VPS35L: variants seen among roughly 807,000 people sequenced by gnomAD.
VPS35L encodes VPS35 endosomal protein sorting factor like.
VPS35L carries 83 observed loss-of-function variants against 133.0 expected under a neutral mutation model. The ratio of observed to expected loss-of-function variants is 0.62; its 90% CI spans 0.52 to 0.75. The LOEUF (loss-of-function observed/expected upper bound fraction) is 0.75. Among genes scored for constraint, VPS35L ranks in the 30% least tolerant of loss-of-function variants. VPS35L has a pLI of 0.00. For synonymous variants in VPS35L, 423 were observed against 449.9 expected, an observed-to-expected ratio of 0.94 and a Z score of 0.76; for missense variants, 1,083 against 1,206.8, an observed-to-expected ratio of 0.90 and a Z score of 1.52.
At chr16:19,559,373 G>T (rs576316182) in intron 1 of VPS35L, among the ~76,000 whole-genome samples, 1 of 152,324 alleles carries the variant, frequency 6.6e-6, no homozygotes, top group East Asian at 1.9e-4. Context: ...AATAGTGGAG[G>T]TGTGAAATGG....
At chr16:19,654,862 T>G (rs1465224118) in intron 26 of VPS35L, among the ~76,000 whole-genome samples, 2 of 152,314 alleles carry the variant, frequency 1.3e-5, no homozygotes, top group Non-Finnish European at 2.9e-5. Context: ...TCTTCCCATG[T>G]TATAAAATCA....
chr16:19,667,223 A>G (rs970604282), intron 26 of VPS35L, among the ~76,000 whole-genome samples: 1 of 152,034 alleles, frequency 6.6e-6, no homozygotes. Context: ...TGGCCTCCCA[A>G]AGTGCTGAGA....
intron 3 of VPS35L, among the ~76,000 whole-genome samples, chr16:19,571,847 C>CTT (rs35851684): frequency 1.7e-3 from 252 of 144,538 alleles, no homozygotes; most frequent in Middle Eastern, 0.011. Context: ...GCCCAGCCAA[C>CTT]TTTTTTTTTT....
intron 2 of VPS35L, 110 bp downstream of exon 2, chr16:19,565,060 A>ATT (rs35102175): frequency 9.8e-4 from 548 of 561,438 alleles, no homozygotes; most frequent in Middle Eastern, 1.4e-3. Flanking sequence ...TGCATATTTG[A>ATT]TTTTTTTTTT....
intron 5 of VPS35L, among the ~76,000 whole-genome samples, chr16:19,576,603 G>A (rs968374236): frequency 1.2e-4 from 19 of 152,304 alleles, no homozygotes; most frequent in African/African-American, 4.1e-4. Flanking sequence ...ATGTGCTGCT[G>A]GGTGCAGATG....
Position 19,571,150 on chromosome 16 carries a change from C to T in VPS35L, c.285+1559C>T, listed in dbSNP as rs113112902. 1.6e-3 allele frequency among the ~76,000 whole-genome samples: 239 copies of T among 151,922 alleles called. 1 individual carries two copies. The highest frequency in any genetic ancestry group is 5.6e-3 in the African/African-American group (231 of 41,446). The stretch of plus-strand genomic sequence containing the variant: ...CCTCCCAAAGTGCTGCAATTACAGG[C>T]GTAAGCCACTGTGCCCGGCCTGTGT... On this transcript the variant is annotated intron_variant, in intron 3 of 30. Transcript: ENST00000417362.
intron 21 of VPS35L, 100 bp from the exon 22 acceptor site, chr16:19,642,296 T>C: frequency 1.1e-6 from 1 of 934,836 alleles, no homozygotes; most frequent in South Asian, 1.7e-5. Flanking sequence ...GCTGGATAAT[T>C]TGCTGCTTTT....
chr16:19,563,045 G>A (rs150871900), intron 1 of VPS35L, among the ~76,000 whole-genome samples: 16 of 152,102 alleles, frequency 1.1e-4, no homozygotes, highest in Admixed American at 2.6e-4. Flanking sequence ...GATTACAGGC[G>A]TGAGCCACCA....
At chr16:19,601,526 C>T in intron 8 of VPS35L, 138 bp from the exon 9 acceptor site, 1 of 751,770 alleles carries the variant, frequency 1.3e-6, no homozygotes, top group Non-Finnish European at 2.1e-6. Context: ...AAAATCTGTC[C>T]CACCAGGTGG....
intron 11 of VPS35L, among the ~76,000 whole-genome samples, chr16:19,609,652 TC>T (rs1972647421): frequency 6.6e-6 from 1 of 152,170 alleles, no homozygotes; most frequent in African/African-American, 2.4e-5. Context: ...GATAATAAAT[TC>T]CTTGAAGCCC....
At chr16:19,564,147 C>G (rs1421054553) in intron 1 of VPS35L, among the ~76,000 whole-genome samples, 2 of 152,086 alleles carry the variant, frequency 1.3e-5, no homozygotes, top group Non-Finnish European at 2.9e-5. Context: ...GGCATGATCT[C>G]AGCTTACTGC....
chr16:19,685,734 G>A (rs1342661899), intron 28 of VPS35L, among the ~76,000 whole-genome samples: 5 of 152,102 alleles, frequency 3.3e-5, no homozygotes, highest in African/African-American at 1.2e-4. Flanking sequence ...TTTCTCTGAT[G>A]GCTGGCGAGG....
intron 26 of VPS35L, among the ~76,000 whole-genome samples, chr16:19,656,083 T>A (rs951643825): frequency 2.0e-5 from 3 of 151,714 alleles, no homozygotes; most frequent in Non-Finnish European, 4.4e-5. Flanking sequence ...GCCAACATGG[T>A]GAAACCCCGT....
At chr16:19,634,760 G>C (rs964527334) in intron 19 of VPS35L, among the ~76,000 whole-genome samples, 1 of 152,160 alleles carries the variant, frequency 6.6e-6, no homozygotes, top group African/African-American at 2.4e-5. Context: ...GAGGAGGAGA[G>C]AGATTTTGAG....
intron 7 of VPS35L, among the ~76,000 whole-genome samples, chr16:19,584,213 A>T (rs563303807): frequency 6.6e-6 from 1 of 152,312 alleles, no homozygotes; most frequent in East Asian, 1.9e-4. Flanking sequence ...TCTTTAGATG[A>T]TAACCTAGTT....
At chr16:19,658,742 A>G (rs191760551) in intron 26 of VPS35L, among the ~76,000 whole-genome samples, 156 of 152,132 alleles carry the variant, frequency 1.0e-3, no homozygotes, top group Admixed American at 2.4e-3. Context: ...ATATCTTGTT[A>G]TTATACTGAA....
intron 13 of VPS35L, 33 bp from the exon 14 acceptor site, chr16:19,616,653 T>C: frequency 1.9e-6 from 3 of 1,605,414 alleles, no homozygotes; most frequent in Non-Finnish European, 2.6e-6. Context: ...GTTTTTCCCC[T>C]CCTTTTCTAA....
chr16:19,672,106 C>T (rs115044634), intron 27 of VPS35L, among the ~76,000 whole-genome samples: 2,243 of 152,208 alleles, frequency 0.015, 54 homozygotes, highest in African/African-American at 0.049. Flanking sequence ...CCAGCCACCA[C>T]GCCTGGCTAA....
intron 28 of VPS35L, among the ~76,000 whole-genome samples, chr16:19,685,255 T>C (rs1897878761): frequency 6.6e-6 from 1 of 152,196 alleles, no homozygotes; most frequent in South Asian, 2.1e-4. Context: ...TAGCATTATT[T>C]ATTAGTTTGC....
Sources: gnomAD v4.1 joint callset for allele counts (sites outside exome capture counted in the v4.1 genomes callset) on GRCh38, gnomAD v4.1.1 for gene constraint, MANE v1.5 for transcripts, NCBI Gene and HGNC (gene_info 2026-07-23, HGNC 2026-07-21) for gene names.